Variants in ERICH3 observed in about 807,000 individuals in gnomAD.
ERICH3 encodes the protein glutamate rich 3.
A neutral mutation model predicts 131.1 loss-of-function variants in ERICH3; 126 were observed. The ratio of observed to expected loss-of-function variants is 0.96; its 90% confidence interval spans 0.83 to 1.11. ERICH3 has a LOEUF of 1.11. ERICH3 is among the 50% of genes most tolerant of loss of function. The pLI is 0.00. For synonymous variants in ERICH3, 695 were observed against 644.6 expected (o/e 1.08, Z -1.18); for missense variants, 2,050 against 1,810.7 (o/e 1.13, Z -2.40).
chr1:74,621,709 T>C (rs2100611807), intron 7 of ERICH3: 1 of 152,328 alleles, frequency 6.6e-6, no homozygotes, highest in East Asian at 1.9e-4. Context: ...GTCCTAGGCA[T>C]TGACTCCTAA....
intron 8 of ERICH3, among the ~76,000 whole-genome samples, chr1:74,614,671 C>T (rs1340867851): frequency 6.8e-6 from 1 of 146,516 alleles, no homozygotes; most frequent in East Asian, 2.0e-4. Context: ...AGTGAGACTC[C>T]GTCTAAAAAA....
In ERICH3 at chr1:74,569,343, C is replaced by T. The variant is rs1646909547; in HGVS notation, c.*1115G>A. 6.6e-6 allele frequency: 1 copy of T among 152,096 alleles called. No homozygotes were observed. Among genetic ancestry groups the T allele is most frequent in the Admixed American group, 6.5e-5 (1 of 15,278 alleles). The allele number at this position is 152,096 out of a possible 1,614,324, so 9.4% of individuals were successfully genotyped here. A position where few individuals can be genotyped will look rare whatever the true frequency, so the allele number is the denominator to read the frequency against. ...TGCTTAAGGAAATTTTTTTTACCTTCTCATATAGAGAAATGGTAGACATAT... is the reference window on the plus strand; with the variant it reads ...TGCTTAAGGAAATTTTTTTTACCTTTTCATATAGAGAAATGGTAGACATAT... On this transcript the variant is annotated 3_prime_UTR_variant, in exon 15 of 15. Coordinates refer to ENST00000326665, the MANE Select transcript of ERICH3 (RefSeq NM_001002912.5).
chr1:74,658,865 A>G (rs1216865147), intron 1 of ERICH3, among the ~76,000 whole-genome samples: 1 of 152,182 alleles, frequency 6.6e-6, no homozygotes, highest in Admixed American at 6.5e-5. Context: ...CATCTGTAAA[A>G]GGGGAAAATA....
Position 74,589,698 on chromosome 1 carries a change from C to T in ERICH3, c.2109G>A (p.Lys703=), listed in dbSNP as rs138086717. 8 of 1,614,082 alleles carry T rather than the reference C, an allele frequency of 5.0e-6. No individual in the cohort carries two copies. Among genetic ancestry groups the T allele is most frequent in the South Asian group, 1.1e-5 (1 of 91,076 alleles). ...SAEEKEKDKS[K]LWEESTAQVK... is the part of the protein sequence containing the mutation. The stretch of plus-strand genomic sequence containing the variant: ...CCTGAGCAGTGCTTTCTTCCCAAAG[C>T]TTACTCTTATCCTTTTCCTTTTCTT... Residue 703 remains lysine (K), a synonymous_variant, in exon 12 of 15, where the codon AAG becomes AAA. Coordinates refer to ENST00000326665, the MANE Select transcript of ERICH3 (RefSeq NM_001002912.5).
In ERICH3 at chr1:74,606,637, C is replaced by G; in HGVS notation, c.1453G>C (p.Val485Leu). Residue 485 changes from valine (V) to leucine (L), a missense_variant, in exon 10 of 15, where the codon GTC becomes CTC. Transcript: ENST00000326665. Reference protein sequence around the residue: ...MTSKGKPGQEVLEDDQENTLK... With the variant: ...MTSKGKPGQELLEDDQENTLK... ...GTATTTTCCTGGTCGTCTTCCAAGA[C>G]TTCTTGTCCTGGTTTTCCTTTACTT... 1 of 1,611,596 alleles carries G rather than the reference C, an allele frequency of 6.2e-7. No individual in the cohort carries two copies. The highest frequency in any genetic ancestry group is 8.5e-7 in the Non-Finnish European group (1 of 1,178,840).
At chr1:74,657,815 A>G (rs761068106) in intron 1 of ERICH3, among the ~76,000 whole-genome samples, 2 of 152,138 alleles carry the variant, frequency 1.3e-5, no homozygotes, top group Non-Finnish European at 2.9e-5. Flanking sequence ...ATATGCTTTC[A>G]TATACCATGA....
At chr1:74,587,938 G>T (rs1570827316) in intron 12 of ERICH3, among the ~76,000 whole-genome samples, 1 of 152,130 alleles carries the variant, frequency 6.6e-6, no homozygotes, top group East Asian at 1.9e-4. Flanking sequence ...TAGGGCAGAG[G>T]TTTATGAACT....
chr1:74,674,142 T>G (rs1174478590), upstream of ERICH3, among the ~76,000 whole-genome samples: 1 of 152,190 alleles, frequency 6.6e-6, no homozygotes, highest in African/African-American at 2.4e-5. Context: ...GGTTTTGAAT[T>G]TGTTTCTGCA....
intron 1 of ERICH3, among the ~76,000 whole-genome samples, chr1:74,663,755 T>C (rs1646663829): frequency 6.6e-6 from 1 of 152,020 alleles, no homozygotes; most frequent in Non-Finnish European, 1.5e-5. Context: ...AAAAAAATGT[T>C]GCCCCAAGTC....
chr1:74,621,631 T>C (rs1326151125), intron 7 of ERICH3: 3 of 152,186 alleles, frequency 2.0e-5, no homozygotes, highest in Non-Finnish European at 4.4e-5. Flanking sequence ...CTATTTGATA[T>C]CCTATGGCAT....
At chr1:74,584,407 T>C (rs1647241700) in intron 12 of ERICH3, among the ~76,000 whole-genome samples, 1 of 152,178 alleles carries the variant, frequency 6.6e-6, no homozygotes, top group Non-Finnish European at 1.5e-5. Context: ...CCTCATCTTG[T>C]ACTACTCTAC....
At position 74,606,855 on chromosome 1, in the gene ERICH3, G is replaced by A; in HGVS notation, c.1235C>T (p.Ser412Phe). 1 of 1,611,938 alleles carries A rather than the reference G, an allele frequency of 6.2e-7. No individual in the cohort carries two copies. The highest frequency in any genetic ancestry group is 8.5e-7 in the Non-Finnish European group (1 of 1,179,122). Residue 412 changes from serine to phenylalanine, a missense_variant, in exon 10 of 15, where the codon TCT becomes TTT. Physicochemically the swap from Ser to Phe is radical, Grantham distance 155. Coordinates refer to ENST00000326665, the MANE Select transcript of ERICH3 (RefSeq NM_001002912.5). ...GLDKKPSLPK[S>F]RKEKSTEKGE... is the part of the protein sequence containing the mutation. ...TTTCTCAGTGCTCTTTTCTTTCCTA[G>A]ATTTCGGCAAAGACGGTTTTTTGTC...
rs781598691 is a variant in ERICH3 at position 74,572,316 on chromosome 1, C to T, written c.3394G>A (p.Val1132Met). 1 of 1,613,984 alleles carries T rather than the reference C, an allele frequency of 6.2e-7. No individual in the cohort carries two copies. Among genetic ancestry groups the T allele is most frequent in the Non-Finnish European group, 8.5e-7 (1 of 1,180,002 alleles). Residue 1132 changes from valine to methionine, a missense_variant, in exon 14 of 15, where the codon GTG becomes ATG. By Grantham distance (21) the Val-to-Met change is conservative. Transcript: ENST00000326665. ...TTGTCAGACAACTCAGAAGCCTCCA[C>T]AGGTGCTTCGTTCTCAGCATCAGAT... ...MGSDAENEAP[V>M]EASELSDNPG...
At chr1:74,653,848 C>T (rs1028824806) in intron 1 of ERICH3, among the ~76,000 whole-genome samples, 2 of 152,108 alleles carry the variant, frequency 1.3e-5, no homozygotes, top group Non-Finnish European at 2.9e-5. Flanking sequence ...TCTACATTAC[C>T]TTTGGGGATG....
Position 74,568,694 on chromosome 1 carries a change from A to G in ERICH3, c.*1764T>C, listed in dbSNP as rs1646900503. 1 of 152,196 alleles carries G rather than the reference A, an allele frequency of 6.6e-6. No homozygotes were observed. The highest frequency in any genetic ancestry group is 1.5e-5 in the Non-Finnish European group (1 of 68,014). 9.4% of individuals were successfully genotyped at this position (152,196 alleles called of 1,614,324 possible). A position where few individuals can be genotyped will look rare whatever the true frequency, so the allele number is the denominator to read the frequency against. ...ACTTTTATATTGAGTGCCATTTACT[A>G]GAGAAAGAAAGACAGATAAATCAGA... On this transcript the variant is annotated 3_prime_UTR_variant, in exon 15 of 15. Coordinates refer to ENST00000326665, the MANE Select transcript of ERICH3 (RefSeq NM_001002912.5).
chr1:74,654,042 C>G (rs1466825372), intron 1 of ERICH3, among the ~76,000 whole-genome samples: 3 of 152,198 alleles, frequency 2.0e-5, no homozygotes, highest in African/African-American at 7.2e-5. Flanking sequence ...TCTCCCATTT[C>G]AAATAACATG....
intron 12 of ERICH3, chr1:74,589,354 T>G (rs982787309): frequency 1.8e-6 from 1 of 541,292 alleles, no homozygotes; most frequent in African/African-American, 1.9e-5. Flanking sequence ...CTGTGCTTTA[T>G]TTCATTCCTG....
intron 11 of ERICH3, among the ~76,000 whole-genome samples, chr1:74,595,199 A>G (rs1647790168): frequency 6.6e-6 from 1 of 152,134 alleles, no homozygotes; most frequent in South Asian, 2.1e-4. Flanking sequence ...AGTTCAAGAA[A>G]AACTGTTTAT....
intron 7 of ERICH3, among the ~76,000 whole-genome samples, chr1:74,630,213 T>C (rs1041429635): frequency 7.9e-5 from 12 of 152,152 alleles, no homozygotes; most frequent in Non-Finnish European, 1.8e-4. Context: ...GCCACATCTT[T>C]TGAGAGCATG....
Sources: allele counts gnomAD v4.1 joint callset (sites outside exome capture counted in the v4.1 genomes callset), GRCh38; gene constraint gnomAD v4.1.1; transcripts MANE v1.5; gene names NCBI Gene and HGNC (gene_info 2026-07-23, HGNC 2026-07-21).